The following TTBK1 variants were observed in gnomAD, a reference collection of about 807,000 sequenced individuals.
The protein encoded by TTBK1 is tau-tubulin kinase 1.
A neutral mutation model predicts 108.5 loss-of-function variants in TTBK1; 34 were observed. The ratio of observed to expected loss-of-function variants is 0.31; its 90% CI spans 0.24 to 0.42. The LOEUF is 0.42. TTBK1 is among the 10% of genes least tolerant of loss of function. TTBK1 has a pLI of 1.00. For missense variants in TTBK1, 1,539 were observed against 1,826.0 expected, an observed-to-expected ratio of 0.84 and a Z score of 2.86; for synonymous variants, 809 against 795.1, an observed-to-expected ratio of 1.02 and a Z score of -0.29.
rs1216711779 is a variant in TTBK1, at chr6:43,273,294, AG to A, written c.1987-9429del. Among the ~76,000 whole-genome samples, 3 of 152,186 alleles carry A rather than the reference AG, an allele frequency of 2.0e-5. No homozygotes were observed. Among genetic ancestry groups the A allele is most frequent in the African/African-American group, 7.2e-5 (3 of 41,446 alleles). On this transcript the variant is annotated intron_variant, in intron 13 of 14. Coordinates refer to ENST00000259750, the MANE Select transcript of TTBK1 (RefSeq NM_032538.3). This position sits in a 1 kb window ranked among gnomAD's most constrained non-coding sequence, Gnocchi z 4.2. ...GCCCCCTCCTCAGTCTATAGAAAAG[AG>A]GGGAGTTGTCAGCAAGCCATATTTT...
At position 43,283,078 on chromosome 6, in the gene TTBK1, G is replaced by C; in HGVS notation, c.2338G>C (p.Glu780Gln). 1 of 1,586,974 alleles carries C rather than the reference G, an allele frequency of 6.3e-7. No homozygotes were observed. The highest frequency in any genetic ancestry group is 8.6e-7 in the Non-Finnish European group (1 of 1,167,068). The change falls in exon 14 of 15, where the codon GAG becomes CAG. Residue 780 changes from glutamate to glutamine, a missense_variant. Physicochemically the swap from Glu to Gln is conservative, Grantham distance 29. Around this residue, in one of 5 missense-constraint regions of TTBK1, gnomAD observed 1,055 missense variants for 1,086.5 expected, o/e 0.97. Coordinates refer to ENST00000259750, the MANE Select transcript of TTBK1 (RefSeq NM_032538.3). The surrounding 1 kb of genome is among the most constrained non-coding windows in gnomAD (Gnocchi z 8.1). Reference sequence around the variant, plus strand: ...GGCTGCAGCGGCAGTTGCCTTGGGGGAGGTGCTGGGGCCTCGTAGTGGCTC... The same window carrying C: ...GGCTGCAGCGGCAGTTGCCTTGGGGCAGGTGCTGGGGCCTCGTAGTGGCTC... ...EEAAAAVALG[E>Q]VLGPRSGSSS...
In TTBK1 at chr6:43,285,679, G is replaced by A. The variant is rs996407352; in HGVS notation, c.*303G>A. On this transcript the variant is annotated 3_prime_UTR_variant, in exon 15 of 15. Transcript: ENST00000259750. The surrounding 1 kb of genome is among the most constrained non-coding windows in gnomAD (Gnocchi z 4.7). ...AGCCTCACATCAGTCTCTCCGCCCC[G>A]GGGAAGGCTCAGCCACTTTTCATCG... is the stretch of plus-strand genomic sequence containing the variant. 2 of 245,748 alleles carry A rather than the reference G, an allele frequency of 8.1e-6. No individual in the cohort carries two copies. Among genetic ancestry groups the A allele is most frequent in the Admixed American group, 1.1e-4 (2 of 17,646 alleles). The allele number at this position is 245,748 out of a possible 1,614,324, so 15.2% of individuals were successfully genotyped here. A position where few individuals can be genotyped will look rare whatever the true frequency, so the allele number is the denominator to read the frequency against.
Position 43,257,685 on chromosome 6 carries a change from C to G in TTBK1, c.862-127C>G. On this transcript the variant is annotated intron_variant, in intron 9 of 14. Transcript: ENST00000259750. This position sits in a 1 kb window ranked among gnomAD's most constrained non-coding sequence, Gnocchi z 4.5. ...TCAATGTGCCGTTCTCCTTCCAATGCCCCCTCCAGGCCCATTCCTGTCCTG... is the reference window on the plus strand; with the variant it reads ...TCAATGTGCCGTTCTCCTTCCAATGGCCCCTCCAGGCCCATTCCTGTCCTG... 1.2e-6 allele frequency: 1 copy of G among 841,524 alleles called. No individual in the cohort carries two copies. Among genetic ancestry groups the G allele is most frequent in the Admixed American group, 2.5e-5 (1 of 39,468 alleles). The allele number at this position is 841,524 out of a possible 1,614,324, so 52.1% of individuals were successfully genotyped here. A position where few individuals can be genotyped will look rare whatever the true frequency, so the allele number is the denominator to read the frequency against.
chr6:43,258,564 G>T (rs1338268311), intron 10 of TTBK1, among the ~76,000 whole-genome samples: 1 of 151,528 alleles, frequency 6.6e-6, no homozygotes, highest in Admixed American at 6.6e-5. Context: ...ATTGCTTAAA[G>T]AACTCGAAAG....
chr6:43,262,327 G>A (rs1393074710), intron 12 of TTBK1, among the ~76,000 whole-genome samples: 1 of 152,134 alleles, frequency 6.6e-6, no homozygotes, highest in Non-Finnish European at 1.5e-5. Context: ...GATGGCAGAG[G>A]AGGCTGGAAA....
At chr6:43,258,312 GC>G (rs1202405998) in intron 10 of TTBK1, among the ~76,000 whole-genome samples, 1 of 152,160 alleles carries the variant, frequency 6.6e-6, no homozygotes, top group Non-Finnish European at 1.5e-5. Flanking sequence ...TACAGCTCCT[GC>G]CCCCAAAGCA....
rs751301535 is a variant in TTBK1 at position 43,253,561 on chromosome 6, C to T, written c.331-7C>T. 1 of 1,603,580 alleles carries T rather than the reference C, an allele frequency of 6.2e-7. No homozygotes were observed. Among genetic ancestry groups the T allele is most frequent in the Admixed American group, 1.7e-5 (1 of 59,514 alleles). The stretch of plus-strand genomic sequence containing the variant: ...TGAGTCTACCCCCCACCTCCACCCC[C>T]ATGCAGGGCCGGAACCTGGCCGACC... On this transcript the variant is annotated splice_polypyrimidine_tract_variant and splice_region_variant and intron_variant, in intron 4 of 14. Transcript: ENST00000259750. The surrounding 1 kb of genome is among the most constrained non-coding windows in gnomAD (Gnocchi z 5.8).
chr6:43,287,123 C>T lies in TTBK1; in HGVS notation c.*1747C>T, dbSNP rs1321688804. 6.6e-6 allele frequency: 1 copy of T among 152,628 alleles called. No homozygotes were observed. 9.5% of individuals were successfully genotyped at this position (152,628 alleles called of 1,614,324 possible). ...AGGGGAGGACTCCTGGGTGGACAGC[C>T]TTTGACGTCCACCCCACGCTGATGC... On this transcript the variant is annotated 3_prime_UTR_variant, in exon 15 of 15. Transcript: ENST00000259750. This position sits in a 1 kb window ranked among gnomAD's most constrained non-coding sequence, Gnocchi z 4.1.
At chr6:43,270,628 C>T in intron 13 of TTBK1, 1 of 985,396 alleles carries the variant, frequency 1.0e-6, no homozygotes, top group Non-Finnish European at 1.2e-6. Flanking sequence ...AGGCTCAGTC[C>T]ATGGTAGGCT....
rs1044983940 is a variant in TTBK1 at position 43,285,584 on chromosome 6, C to A, written c.*208C>A. ...GCCCGTGGGGGACGCGGCCCCGCGC[C>A]GCGGGGAGGGTCTGCCTCCCCTTCC... On this transcript the variant is annotated 3_prime_UTR_variant, in exon 15 of 15. Coordinates refer to ENST00000259750, the MANE Select transcript of TTBK1 (RefSeq NM_032538.3). The surrounding 1 kb of genome is among the most constrained non-coding windows in gnomAD (Gnocchi z 4.7). 5.7e-6 allele frequency: 3 copies of A among 527,808 alleles called. No individual in the cohort carries two copies. Among genetic ancestry groups the A allele is most frequent in the Non-Finnish European group, 8.4e-6 (3 of 358,640 alleles). 32.7% of individuals were successfully genotyped at this position (527,808 alleles called of 1,614,324 possible).
In TTBK1 at chr6:43,283,672, C is replaced by T. The variant is rs1348181773; in HGVS notation, c.2932C>T (p.Pro978Ser). Residue 978 changes from proline to serine, a missense_variant, in exon 14 of 15, where the codon CCC (proline) becomes TCC (serine). This residue lies in a region of TTBK1 where 1,055 missense variants were observed against 1,086.5 expected (regional missense o/e 0.97). Coordinates refer to ENST00000259750, the MANE Select transcript of TTBK1 (RefSeq NM_032538.3). This position sits in a 1 kb window ranked among gnomAD's most constrained non-coding sequence, Gnocchi z 8.1. ...CGCTGTGGAGGAGGGGGCCCGAGCG[C>T]CCCTGGAGAACGGCCTCGCCCTGTC... ...GGAVEEGARA[P>S]LENGLALSGL... 5.0e-6 allele frequency: 8 copies of T among 1,613,982 alleles called. No individual in the cohort carries two copies. Among genetic ancestry groups the T allele is most frequent in the East Asian group, 2.2e-5 (1 of 44,886 alleles).
rs2150676515 is a variant in TTBK1, at chr6:43,243,949, C to T, written c.-55+241C>T. Among the ~76,000 whole-genome samples, 1 of 152,222 alleles carries T rather than the reference C, an allele frequency of 6.6e-6. No individual in the cohort carries two copies. The highest frequency in any genetic ancestry group is 2.1e-4 in the South Asian group (1 of 4,830). Reference sequence around the variant, plus strand: ...GTCCTCCGGGCACTTTGCTCCTCCCCACTCACCTCCGTCCCCTGTCCCCAT... The same window carrying T: ...GTCCTCCGGGCACTTTGCTCCTCCCTACTCACCTCCGTCCCCTGTCCCCAT... On this transcript the variant is annotated intron_variant, in intron 1 of 14. Coordinates refer to ENST00000259750, the MANE Select transcript of TTBK1 (RefSeq NM_032538.3). This position sits in a 1 kb window ranked among gnomAD's most constrained non-coding sequence, Gnocchi z 5.5.
intron 1 of TTBK1, among the ~76,000 whole-genome samples, chr6:43,246,351 C>A (rs1401497123): frequency 2.0e-5 from 3 of 152,232 alleles, no homozygotes; most frequent in Non-Finnish European, 4.4e-5. Flanking sequence ...TCTCTCCCCT[C>A]GGCCTGTTCA....
rs545789390 is a variant in TTBK1, at chr6:43,261,903, C to T, written c.1425-886C>T. Reference sequence around the variant, plus strand: ...AAAGTCAGATGGGACCCAGGCCCTGCGCAGCAGAGCTCACAGTCTCTTGGG... The same window carrying T: ...AAAGTCAGATGGGACCCAGGCCCTGTGCAGCAGAGCTCACAGTCTCTTGGG... On this transcript the variant is annotated intron_variant, in intron 12 of 14. Coordinates refer to ENST00000259750, the MANE Select transcript of TTBK1 (RefSeq NM_032538.3). Among the ~76,000 whole-genome samples the T allele has an allele frequency of 1.6e-4, 25 of 151,776 alleles. 1 individual carries two copies. In the South Asian group the frequency reaches 5.2e-3, roughly 32 times the overall value.
In TTBK1 at chr6:43,269,801, C is replaced by T. The variant is rs1013567519; in HGVS notation, c.1986+6451C>T. The T allele has an allele frequency of 6.4e-7, 1 of 1,555,054 alleles. No homozygotes were observed. Among genetic ancestry groups the T allele is most frequent in the Non-Finnish European group, 8.7e-7 (1 of 1,155,960 alleles). On this transcript the variant is annotated intron_variant, in intron 13 of 14. Coordinates refer to ENST00000259750, the MANE Select transcript of TTBK1 (RefSeq NM_032538.3). This position sits in a 1 kb window ranked among gnomAD's most constrained non-coding sequence, Gnocchi z 4.8. ...GCTCCTCCGGTTCCCTCATTCAGCG[C>T]AGCCGCTCGGCTGAGAGCAGCCCTG...
At chr6:43,249,054 A>G (rs956631623) in intron 2 of TTBK1, among the ~76,000 whole-genome samples, 1 of 152,078 alleles carries the variant, frequency 6.6e-6, no homozygotes, top group Non-Finnish European at 1.5e-5. Flanking sequence ...TAATTTGCCA[A>G]ATTTCCATGA....
intron 13 of TTBK1, chr6:43,270,045 C>A: frequency 9.8e-6 from 14 of 1,421,720 alleles, no homozygotes; most frequent in Non-Finnish European, 1.3e-5. Flanking sequence ...TAATCACACA[C>A]TCACACATCC....
intron 13 of TTBK1, chr6:43,271,747 C>A (rs1357348470): frequency 1.0e-6 from 1 of 974,772 alleles, no homozygotes. Context: ...TCCCCAAAAT[C>A]TTTCTTTGTA....
rs1010047195 is a variant in TTBK1, at chr6:43,286,016, A to T, written c.*640A>T. On this transcript the variant is annotated 3_prime_UTR_variant, in exon 15 of 15. Coordinates refer to ENST00000259750, the MANE Select transcript of TTBK1 (RefSeq NM_032538.3). This position sits in a 1 kb window ranked among gnomAD's most constrained non-coding sequence, Gnocchi z 4.6. ...ACTCAGGTGTGAGGGGGCAGGTCTG[A>T]CCTGCCCCAAAGTTGGCTCCATCCT... 6.6e-6 allele frequency: 1 copy of T among 152,522 alleles called. No individual in the cohort carries two copies. The highest frequency in any genetic ancestry group is 2.4e-5 in the African/African-American group (1 of 41,390). The allele number at this position is 152,522 out of a possible 1,614,324, so 9.4% of individuals were successfully genotyped here.
Sources: gnomAD v4.1 joint callset for allele counts (sites outside exome capture counted in the v4.1 genomes callset) on GRCh38, gnomAD v4.1.1 for gene constraint, gnomAD v4.1.1 regional missense constraint, Gnocchi (gnomAD v3.1) non-coding constraint, MANE v1.5 for transcripts, NCBI Gene and HGNC (gene_info 2026-07-23, HGNC 2026-07-21) for gene names.